The following KCNK9 variants were observed in gnomAD, a reference collection of about 807,000 sequenced individuals.
The protein encoded by KCNK9 is potassium channel subfamily K member 9.
Under a neutral mutation model 10.8 loss-of-function variants are expected in KCNK9, and 1 was observed. The ratio of observed to expected loss-of-function variants is 0.09; its 90% confidence interval spans 0.03 to 0.44. The LOEUF is 0.44. KCNK9 is among the 20% of genes least tolerant of loss of function. The pLI is 0.97. For missense variants in KCNK9, 303 were observed against 515.0 expected, an observed-to-expected ratio of 0.59 and a Z score of 3.98; for synonymous variants, 231 against 222.7, an observed-to-expected ratio of 1.04 and a Z score of -0.33.
At chr8:139,682,940 C>A (rs961323422) in intron 1 of KCNK9, among the ~76,000 whole-genome samples, 23 of 150,548 alleles carry the variant, frequency 1.5e-4, no homozygotes. Context: ...AGCTGGAAAA[C>A]AAAACTCAAA....
At position 139,663,648 on chromosome 8, in the gene KCNK9, C is replaced by CGTGTGTGTGTGTGTGTGTGTGT. The variant is rs34660685; in HGVS notation, c.283+39040_283+39061dup. Reference sequence around the variant, plus strand: ...CCCCAGGAACAGACGCGCGTGCGCACGTGTGTGTGTGTGTGTGTGTGTGTG... The same window carrying CGTGTGTGTGTGTGTGTGTGTGT: ...CCCCAGGAACAGACGCGCGTGCGCACGTGTGTGTGTGTGTGTGTGTGTGTGTGTGTGTGTGTGTGTGTGTGTG... On this transcript the variant is annotated intron_variant, in intron 1 of 1. Transcript: ENST00000520439. 3.4e-3 allele frequency among the ~76,000 whole-genome samples: 472 copies of CGTGTGTGTGTGTGTGTGTGTGT among 137,554 alleles called. 3 individuals carry two copies. The highest frequency in any genetic ancestry group is 4.0e-3 in the African/African-American group (146 of 36,164). 90.2% of individuals were successfully genotyped at this position (137,554 alleles called of 152,430 possible).
At chr8:139,603,240 C>A (rs1817411196) in intron 2 of KCNK9, among the ~76,000 whole-genome samples, 1 of 152,152 alleles carries the variant, frequency 6.6e-6, no homozygotes. Flanking sequence ...CCCACCTGCC[C>A]CCCAATTCCT....
intron 2 of KCNK9, among the ~76,000 whole-genome samples, chr8:139,604,369 G>A (rs2130073125): frequency 6.6e-6 from 1 of 152,312 alleles, no homozygotes. Context: ...GCAGGCTGGA[G>A]AGGCACCCTC....
At chr8:139,643,874 C>T (rs1456219277) in intron 1 of KCNK9, among the ~76,000 whole-genome samples, 1 of 152,238 alleles carries the variant, frequency 6.6e-6, no homozygotes, top group African/African-American at 2.4e-5. Context: ...CCCCAGCCCC[C>T]TTCCTCTGCA....
intron 1 of KCNK9, among the ~76,000 whole-genome samples, chr8:139,701,130 C>T (rs889665861): frequency 6.6e-5 from 10 of 152,156 alleles, no homozygotes; most frequent in African/African-American, 1.7e-4. Context: ...TGTGCATCTG[C>T]GTGCCACTGC....
At chr8:139,627,505 G>T (rs968410660) in intron 1 of KCNK9, among the ~76,000 whole-genome samples, 2 of 152,150 alleles carry the variant, frequency 1.3e-5, no homozygotes, top group African/African-American at 4.8e-5. Flanking sequence ...ACTATCAGGA[G>T]GATGAACTCA....
chr8:139,619,316 A>AG (rs1055817512), intron 1 of KCNK9, among the ~76,000 whole-genome samples: 2 of 151,996 alleles, frequency 1.3e-5, no homozygotes, highest in East Asian at 1.9e-4. Context: ...AGGGGATGGC[A>AG]GGGGGGTAGG....
At chr8:139,676,622 G>A (rs995365095) in intron 1 of KCNK9, among the ~76,000 whole-genome samples, 8 of 152,184 alleles carry the variant, frequency 5.3e-5, no homozygotes, top group African/African-American at 1.9e-4. Context: ...TCAAATATTT[G>A]CTCACTTTGA....
intron 1 of KCNK9, among the ~76,000 whole-genome samples, chr8:139,660,449 A>AAAAAAT (rs56898839): frequency 1.5e-5 from 2 of 131,192 alleles, no homozygotes; most frequent in African/African-American, 6.1e-5. Flanking sequence ...GCTAAAAAAA[A>AAAAAAT]ATATATATAT....
At chr8:139,608,382 A>G (rs921306775), downstream of KCNK9, among the ~76,000 whole-genome samples, 3 of 152,194 alleles carry the variant, frequency 2.0e-5, no homozygotes, top group South Asian at 2.1e-4. Context: ...CCACCCCCCA[A>G]TCCTTCCAGA....
At chr8:139,664,852 C>T (rs192682994) in intron 1 of KCNK9, among the ~76,000 whole-genome samples, 1 of 152,284 alleles carries the variant, frequency 6.6e-6, no homozygotes, top group East Asian at 1.9e-4. Context: ...GGCTTCATTC[C>T]TGGAGCACGG....
chr8:139,655,630 G>A (rs1816002768), intron 1 of KCNK9, among the ~76,000 whole-genome samples: 1 of 152,196 alleles, frequency 6.6e-6, no homozygotes, highest in African/African-American at 2.4e-5. Context: ...TTTCTCAGCT[G>A]AGTAAACTGA....
At position 139,617,587 on chromosome 8, in the gene KCNK9, A is replaced by G. The variant is rs1563716288; in HGVS notation, c.*671T>C. Among the ~76,000 whole-genome samples the G allele has an allele frequency of 6.6e-6, 1 of 152,236 alleles. No individual in the cohort carries two copies. The highest frequency in any genetic ancestry group is 1.5e-5 in the Non-Finnish European group (1 of 68,040). The stretch of plus-strand genomic sequence containing the variant: ...CATTTAGAAAATATGGCCATGACAC[A>G]TCAGGGATAAGAACTGCTTAATGAA... On this transcript the variant is annotated 3_prime_UTR_variant, in exon 2 of 2. Transcript: ENST00000520439.
intron 1 of KCNK9, among the ~76,000 whole-genome samples, chr8:139,694,183 T>C (rs551755280): frequency 1.3e-5 from 2 of 152,056 alleles, no homozygotes; most frequent in South Asian, 4.2e-4. Flanking sequence ...GGTGGGGAAG[T>C]GGCAAGGGGA....
intron 1 of KCNK9, among the ~76,000 whole-genome samples, chr8:139,647,077 C>T (rs1223277805): frequency 2.6e-5 from 4 of 152,262 alleles, no homozygotes; most frequent in Non-Finnish European, 2.9e-5. Flanking sequence ...CTGTTGGCGG[C>T]AGGGGGCTCT....
intron 1 of KCNK9, among the ~76,000 whole-genome samples, chr8:139,680,040 C>T (rs540009466): frequency 6.6e-6 from 1 of 152,260 alleles, no homozygotes; most frequent in South Asian, 2.1e-4. Flanking sequence ...GACCATGGCT[C>T]CCACCCCGAC....
intron 1 of KCNK9, among the ~76,000 whole-genome samples, chr8:139,643,559 G>T (rs1563731437): frequency 6.6e-6 from 1 of 152,340 alleles, no homozygotes; most frequent in Non-Finnish European, 1.5e-5. Context: ...GCGGGCCTAG[G>T]GCTTGGCACT....
intron 1 of KCNK9, among the ~76,000 whole-genome samples, chr8:139,676,761 G>A (rs1816558695): frequency 6.6e-6 from 1 of 152,132 alleles, no homozygotes; most frequent in Admixed American, 6.5e-5. Flanking sequence ...GACCAGCCTG[G>A]CCAACATAGT....
intron 1 of KCNK9, among the ~76,000 whole-genome samples, chr8:139,648,313 C>T (rs1387264670): frequency 4.6e-5 from 7 of 151,920 alleles, no homozygotes; most frequent in East Asian, 3.9e-4. Context: ...ACTTTGGAGC[C>T]GAAAATAAGA....
Sources: allele counts gnomAD v4.1 joint callset (sites outside exome capture counted in the v4.1 genomes callset), GRCh38; gene constraint gnomAD v4.1.1; transcripts MANE v1.5; gene names NCBI Gene and HGNC (gene_info 2026-07-23, HGNC 2026-07-21).